Variants in VWA5B2 observed in about 807,000 individuals in gnomAD.
The protein encoded by VWA5B2 is von Willebrand factor A domain containing 5B2.
VWA5B2 carries 93 observed loss-of-function variants against 118.5 expected under a neutral mutation model. That is an observed-to-expected ratio of 0.79 (90% CI 0.66 to 0.93). VWA5B2 has a LOEUF of 0.93. Ranked by LOEUF, VWA5B2 falls within the 40% of genes least tolerant of loss-of-function variation. The pLI, the probability that VWA5B2 is intolerant of heterozygous loss-of-function variation, is 0.00. For synonymous variants in VWA5B2, 708 were observed against 716.3 expected (o/e 0.99, Z 0.19); for missense variants, 1,546 against 1,672.8 (o/e 0.92, Z 1.32).
At position 184,239,362 on chromosome 3, in the gene VWA5B2, C is replaced by T; in HGVS notation, c.2203-32C>T. On this transcript the variant is annotated intron_variant, in intron 14 of 19. Transcript: ENST00000691901. This position sits in a 1 kb window ranked among gnomAD's most constrained non-coding sequence, Gnocchi z 5.1. ...TATGATGGTCAAGGGTTCTGCATTC[C>T]TTGACCAGTGGCCCCCATATCTCAC... 1 of 1,503,748 alleles carries T rather than the reference C, an allele frequency of 6.7e-7. No homozygotes were observed. Among genetic ancestry groups the T allele is most frequent in the Non-Finnish European group, 8.9e-7 (1 of 1,118,862 alleles). 93.2% of individuals were successfully genotyped at this position (1,503,748 alleles called of 1,614,324 possible).
Position 184,241,175 on chromosome 3 carries a change from T to A in VWA5B2, c.2963-12T>A, listed in dbSNP as rs1358727923. 1 of 1,550,766 alleles carries A rather than the reference T, an allele frequency of 6.4e-7. No homozygotes were observed. The highest frequency in any genetic ancestry group is 1.4e-5 in the African/African-American group (1 of 72,970). ...AGAGACCGCCCCCTGGCACTGATGA[T>A]CCCCACTGCAGGACTTCAGAGAGGC... On this transcript the variant is annotated splice_polypyrimidine_tract_variant and intron_variant, in intron 18 of 19. Coordinates refer to ENST00000691901, the MANE Select transcript of VWA5B2 (RefSeq NM_001390846.1). This position sits in a 1 kb window ranked among gnomAD's most constrained non-coding sequence, Gnocchi z 5.1.
Position 184,230,360 on chromosome 3 carries a change from C to T in VWA5B2, c.-149-20C>T. The T allele has an allele frequency of 3.8e-6, 3 of 797,028 alleles. No homozygotes were observed. The highest frequency in any genetic ancestry group is 4.4e-5 in the Admixed American group (1 of 22,770). The allele number at this position is 797,028 out of a possible 1,614,324, so 49.4% of individuals were successfully genotyped here. The stretch of plus-strand genomic sequence containing the variant: ...CACGCCTGCCGCCCCCTTATCTCCC[C>T]CGCCACCTGTCGCCCTCAGGAGCTC... On this transcript the variant is annotated intron_variant, in intron 1 of 19. Coordinates refer to ENST00000691901, the MANE Select transcript of VWA5B2 (RefSeq NM_001390846.1).
Position 184,242,022 on chromosome 3 carries a change from GC to G in VWA5B2, c.3716del (p.Pro1239GlnfsTer50), listed in dbSNP as rs916350986. ...CTGCAGCTACACCTGCTGTGCTACA[GC>G]CCAGCGAACGTGTGAAGGCTGCCCC... ...QNLQLHLLCY[S>X]PANV On this transcript the variant is annotated frameshift_variant, in exon 20 of 20. Coordinates refer to ENST00000691901, the MANE Select transcript of VWA5B2 (RefSeq NM_001390846.1). LOFTEE classifies it high-confidence loss of function. 6 of 1,549,746 alleles carry G rather than the reference GC, an allele frequency of 3.9e-6. No individual in the cohort carries two copies. The African/African-American group carries it at 8.2e-5, about 21-fold the overall frequency.
rs1484739338 is a variant in VWA5B2, at chr3:184,235,517, T to C, written c.1101+209T>C. Reference sequence around the variant, plus strand: ...AACAGACACTGTCACGCTCTCTTGCTCATATTCACGCACACACATCTCTCC... The same window carrying C: ...AACAGACACTGTCACGCTCTCTTGCCCATATTCACGCACACACATCTCTCC... On this transcript the variant is annotated intron_variant, in intron 8 of 19. Transcript: ENST00000691901. 3.3e-5 allele frequency among the ~76,000 whole-genome samples: 5 copies of C among 152,180 alleles called. No individual in the cohort carries two copies. The East Asian group carries it at 9.6e-4, about 29-fold the overall frequency.
At position 184,241,587 on chromosome 3, in the gene VWA5B2, T is replaced by G. The variant is rs757930216; in HGVS notation, c.3278T>G (p.Phe1093Cys). The G allele has an allele frequency of 3.0e-5, 47 of 1,546,456 alleles. No individual in the cohort carries two copies. The highest frequency in any genetic ancestry group is 4.1e-5 in the Non-Finnish European group (47 of 1,146,692). The part of the protein sequence containing the change: ...SQERLCRASP[F>C]AVHRASLSPT... ...GAGCGCCTCTGCCGTGCCTCGCCCT[T>G]TGCCGTGCACCGCGCCAGCCTCAGC... The change falls in exon 20 of 20, where the codon TTT becomes TGT. Residue 1093 changes from phenylalanine (F) to cysteine (C), a missense_variant. Physicochemically the swap from Phe to Cys is radical, Grantham distance 205. Coordinates refer to ENST00000691901, the MANE Select transcript of VWA5B2 (RefSeq NM_001390846.1). This position sits in a 1 kb window ranked among gnomAD's most constrained non-coding sequence, Gnocchi z 5.1.
chr3:184,235,978 T>G (rs951155878), intron 8 of VWA5B2, among the ~76,000 whole-genome samples, 174 bp from the exon 9 acceptor site: 42 of 152,138 alleles, frequency 2.8e-4, no homozygotes, highest in Admixed American at 2.4e-3. Context: ...ACACAGTCTC[T>G]CACACACACT....
rs1560152396 is a variant in VWA5B2, at chr3:184,234,779, G to GGCCCCTGGCCTT, written c.945+26_945+37dup. The GGCCCCTGGCCTT allele has an allele frequency of 3.2e-6, 5 of 1,550,752 alleles. No homozygotes were observed. In the Middle Eastern group the frequency reaches 6.7e-4, roughly 207 times the overall value. ...AGGTACCGCCATAGGAGCCTGGCCT[G>GGCCCCTGGCCTT]GCCCCTGGCCTTGGCTGCATTTGTG... On this transcript the variant is annotated intron_variant, in intron 7 of 19. Transcript: ENST00000691901.
rs1687229 is a variant in VWA5B2, at chr3:184,231,103, G to A, written c.310+186G>A. On this transcript the variant is annotated intron_variant, in intron 3 of 19. Transcript: ENST00000691901. ...CTGCGCCAGGTGCTGGGAGAACATG[G>A]CCCGGAGGTTCACAGCCTGGGAGAC... Among the ~76,000 whole-genome samples, 4 of 152,230 alleles carry A rather than the reference G, an allele frequency of 2.6e-5. No individual in the cohort carries two copies. The South Asian group carries it at 8.3e-4, about 31-fold the overall frequency.
rs763963870 is a variant in VWA5B2, at chr3:184,236,220, G to A, written c.1170G>A (p.Thr390=). Residue 390 remains threonine, a synonymous_variant, in exon 9 of 20, where the codon ACG becomes ACA. Transcript: ENST00000691901. The part of the protein sequence containing the change: ...QTLINLAVFG[T]LVQPLFPESR... Reference sequence around the variant, plus strand: ...TTATCAACCTGGCCGTGTTTGGGACGTTGGTGCAGCCACTCTTCCCAGAGA... The same window carrying A: ...TTATCAACCTGGCCGTGTTTGGGACATTGGTGCAGCCACTCTTCCCAGAGA... 7.7e-6 allele frequency: 12 copies of A among 1,551,776 alleles called. No individual in the cohort carries two copies. The highest frequency in any genetic ancestry group is 9.6e-6 in the Non-Finnish European group (11 of 1,147,012).
In VWA5B2 at chr3:184,236,271, G is replaced by T; in HGVS notation, c.1212+9G>T. 6.4e-7 allele frequency: 1 copy of T among 1,551,774 alleles called. No individual in the cohort carries two copies. The highest frequency in any genetic ancestry group is 8.7e-7 in the Non-Finnish European group (1 of 1,146,984). On this transcript the variant is annotated intron_variant, in intron 9 of 19. Transcript: ENST00000691901. The stretch of plus-strand genomic sequence containing the variant: ...GCCGGCCTTGCAGTGATGTGAGTGT[G>T]GTCCAGGGATCTGGGGGCCTTACAG...
chr3:184,234,406 CTG>C lies in VWA5B2; in HGVS notation c.820+10_820+11del. On this transcript the variant is annotated intron_variant, in intron 6 of 19. Transcript: ENST00000691901. The stretch of plus-strand genomic sequence containing the variant: ...CCTGCTGCACCCCAGTGGTGAGAGA[CTG>C]GGACACACCGTGGGCCGGCTCTGAC... 1 of 1,551,664 alleles carries C rather than the reference CTG, an allele frequency of 6.4e-7. No individual in the cohort carries two copies. The highest frequency in any genetic ancestry group is 8.7e-7 in the Non-Finnish European group (1 of 1,146,954).
Position 184,241,983 on chromosome 3 carries a change from A to G in VWA5B2, c.3674A>G (p.His1225Arg). 1 of 1,550,352 alleles carries G rather than the reference A, an allele frequency of 6.5e-7. No individual in the cohort carries two copies. Among genetic ancestry groups the G allele is most frequent in the Non-Finnish European group, 8.7e-7 (1 of 1,146,938 alleles). Residue 1225 changes from histidine (H) to arginine (R), a missense_variant, in exon 20 of 20, where the codon CAC (histidine) becomes CGC (arginine). By Grantham distance (29) the His-to-Arg change is conservative. This residue lies in a region of VWA5B2 where 763 missense variants were observed against 766.6 expected (regional missense o/e 1.00). Coordinates refer to ENST00000691901, the MANE Select transcript of VWA5B2 (RefSeq NM_001390846.1). The surrounding 1 kb of genome is among the most constrained non-coding windows in gnomAD (Gnocchi z 5.1). ...AARGLFLLLR[H>R]WDQNLQLHLL... ...CGAGGGCTCTTCCTGCTACTGCGCC[A>G]CTGGGACCAAAACCTGCAGCTACAC... is the stretch of plus-strand genomic sequence containing the variant.
chr3:184,233,487 G>T lies in VWA5B2; in HGVS notation c.531-89G>T. On this transcript the variant is annotated intron_variant, in intron 4 of 19. Transcript: ENST00000691901. This position sits in a 1 kb window ranked among gnomAD's most constrained non-coding sequence, Gnocchi z 5.2. ...GGCACTGGCAGGGTACCCAGGGATG[G>T]GAAGGGTGAGGAAGGGCTGGGGCCA... 1 of 1,507,428 alleles carries T rather than the reference G, an allele frequency of 6.6e-7. No individual in the cohort carries two copies. The allele number at this position is 1,507,428 out of a possible 1,614,324, so 93.4% of individuals were successfully genotyped here.
Position 184,242,088 on chromosome 3 carries a change from C to A in VWA5B2, c.*50C>A. Reference sequence around the variant, plus strand: ...GGCGCCCCACCCAACACACTCAAGTCACTGCCGCCCAGGGCTGGCCTCTTG... The same window carrying A: ...GGCGCCCCACCCAACACACTCAAGTAACTGCCGCCCAGGGCTGGCCTCTTG... On this transcript the variant is annotated 3_prime_UTR_variant, in exon 20 of 20. Transcript: ENST00000691901. 6.5e-7 allele frequency: 1 copy of A among 1,536,286 alleles called. No homozygotes were observed. The highest frequency in any genetic ancestry group is 1.2e-5 in the South Asian group (1 of 83,016).
chr3:184,233,695 C>T lies in VWA5B2; in HGVS notation c.650C>T (p.Ser217Phe), dbSNP rs888604003. 1.0e-5 allele frequency: 16 copies of T among 1,551,190 alleles called. No individual in the cohort carries two copies. Among genetic ancestry groups the T allele is most frequent in the Admixed American group, 2.0e-5 (1 of 51,002 alleles). The change falls in exon 5 of 20, where the codon TCC (serine) becomes TTC (phenylalanine). Residue 217 changes from serine (S) to phenylalanine (F), a missense_variant. Physicochemically the swap from Ser to Phe is radical, Grantham distance 155. This residue lies in a region of VWA5B2 where 775 missense variants were observed against 882.3 expected (regional missense o/e 0.88). Coordinates refer to ENST00000691901, the MANE Select transcript of VWA5B2 (RefSeq NM_001390846.1). This position sits in a 1 kb window ranked among gnomAD's most constrained non-coding sequence, Gnocchi z 5.2. ...PARCPAPYTF[S>F]FEMLVTGPCL... ...CGCTGCCCTGCCCCATATACCTTCT[C>T]CTTCGAGATGCTGGTGACTGGGCCA...
At position 184,235,453 on chromosome 3, in the gene VWA5B2, A is replaced by G. The variant is rs543361579; in HGVS notation, c.1101+145A>G. ...AAGAGGAAGCAGATGGCAACTCCTC[A>G]GGGGATTCCCTTAGACAGCAGCCCT... is the stretch of plus-strand genomic sequence containing the variant. On this transcript the variant is annotated intron_variant, in intron 8 of 19. Coordinates refer to ENST00000691901, the MANE Select transcript of VWA5B2 (RefSeq NM_001390846.1). 2,122 of 955,626 alleles carry G rather than the reference A, an allele frequency of 2.2e-3. 4 individuals carry two copies. The highest frequency in any genetic ancestry group is 3.0e-3 in the Non-Finnish European group (1,920 of 644,464). 59.2% of individuals were successfully genotyped at this position (955,626 alleles called of 1,614,324 possible).
chr3:184,233,545 G>A lies in VWA5B2; in HGVS notation c.531-31G>A, dbSNP rs1326233016. ...GGAGGGTTTAGGGGCCTTCACAGTG[G>A]CCCAGTGACCCTCCTCATGCTCCCT... On this transcript the variant is annotated intron_variant, in intron 4 of 19. Transcript: ENST00000691901. The surrounding 1 kb of genome is among the most constrained non-coding windows in gnomAD (Gnocchi z 5.2). 2 of 1,544,466 alleles carry A rather than the reference G, an allele frequency of 1.3e-6. No individual in the cohort carries two copies. Among genetic ancestry groups the A allele is most frequent in the East Asian group, 2.4e-5 (1 of 40,880 alleles).
rs843333 is a variant in VWA5B2, at chr3:184,239,307, A to C, written c.2203-87A>C. 388,901 of 1,371,180 alleles carry C rather than the reference A, an allele frequency of 0.28. 57,098 individuals carry two copies. The highest frequency in any genetic ancestry group is 0.46 in the African/African-American group (30,745 of 67,422). The allele number at this position is 1,371,180 out of a possible 1,614,324, so 84.9% of individuals were successfully genotyped here. A position where few individuals can be genotyped will look rare whatever the true frequency, so the allele number is the denominator to read the frequency against. ...GTGAGCGGCCACCCAGGGTTTCAGA[A>C]AAGGGGCATGGGCCAGCTGTGCACC... On this transcript the variant is annotated intron_variant, in intron 14 of 19. Coordinates refer to ENST00000691901, the MANE Select transcript of VWA5B2 (RefSeq NM_001390846.1). This position sits in a 1 kb window ranked among gnomAD's most constrained non-coding sequence, Gnocchi z 5.1.
rs750699425 is a variant in VWA5B2 at position 184,238,463 on chromosome 3, A to T, written c.1880A>T (p.Asp627Val). Residue 627 changes from aspartate to valine, a missense_variant, in exon 13 of 20, where the codon GAC becomes GTC. This residue lies in a region of VWA5B2 where 775 missense variants were observed against 882.3 expected (regional missense o/e 0.88). Transcript: ENST00000691901. The surrounding 1 kb of genome is among the most constrained non-coding windows in gnomAD (Gnocchi z 5.0). ...CTGTCCAGCCCATGGGCTGCCAGGG[A>T]CTCGGAGCAGAGTGAGTGCCCAGGT... ...AELSSPWAAR[D>V]SEQSTDALTD... 6.5e-7 allele frequency: 1 copy of T among 1,544,606 alleles called. No homozygotes were observed. Among genetic ancestry groups the T allele is most frequent in the South Asian group, 1.2e-5 (1 of 83,696 alleles).
Sources: allele counts gnomAD v4.1 joint callset (sites outside exome capture counted in the v4.1 genomes callset), GRCh38; gene constraint gnomAD v4.1.1; regional missense constraint gnomAD v4.1.1; non-coding constraint Gnocchi (gnomAD v3.1); transcripts MANE v1.5; gene names NCBI Gene and HGNC (gene_info 2026-07-23, HGNC 2026-07-21).